Variants in RABGAP1L observed in about 807,000 individuals in gnomAD.
RABGAP1L encodes rab GTPase-activating protein 1-like.
Under a neutral mutation model 137.7 loss-of-function variants are expected in RABGAP1L, and 63 were observed. That is an observed-to-expected ratio of 0.46 (90% CI 0.37 to 0.56). The LOEUF is 0.56. Ranked by LOEUF, RABGAP1L falls within the 20% of genes least tolerant of loss-of-function variation. The pLI is 0.00. For synonymous variants in RABGAP1L, 431 were observed against 433.7 expected (o/e 0.99, Z 0.08); for missense variants, 1,095 against 1,244.0 (o/e 0.88, Z 1.80).
intron 13 of RABGAP1L, among the ~76,000 whole-genome samples, chr1:174,528,008 A>G (rs564736255): frequency 1.4e-5 from 2 of 143,300 alleles, no homozygotes; most frequent in South Asian, 2.2e-4. Context: ...GACTTTTTCC[A>G]TTCCCTTTAC....
chr1:174,721,201 A>G (rs73026457), intron 17 of RABGAP1L, among the ~76,000 whole-genome samples: 2,607 of 152,338 alleles, frequency 0.017, 80 homozygotes, highest in African/African-American at 0.06. Context: ...TTTCTGTCCC[A>G]TATGAGAGTT....
chr1:174,478,157 A>G (rs1658700032), intron 13 of RABGAP1L, among the ~76,000 whole-genome samples: 2 of 151,992 alleles, frequency 1.3e-5, no homozygotes, highest in African/African-American at 2.4e-5. Flanking sequence ...ATCTTTTTGA[A>G]CTTTAGTCCC....
At chr1:174,323,293 A>T (rs928395429) in intron 11 of RABGAP1L, among the ~76,000 whole-genome samples, 12 of 152,238 alleles carry the variant, frequency 7.9e-5, no homozygotes, top group Middle Eastern at 3.4e-3. Flanking sequence ...ATTCAAAAAA[A>T]TTTAAGTAAA....
At chr1:174,644,382 C>T (rs981271135) in intron 14 of RABGAP1L, among the ~76,000 whole-genome samples, 1 of 151,850 alleles carries the variant, frequency 6.6e-6, no homozygotes, top group African/African-American at 2.4e-5. Context: ...TACTAGGATA[C>T]AGAAGAGAAA....
chr1:174,590,520 T>C (rs1286268409), intron 13 of RABGAP1L, among the ~76,000 whole-genome samples: 1 of 97,084 alleles, frequency 1.0e-5, no homozygotes, highest in Non-Finnish European at 2.0e-5. Context: ...CCCACCACAG[T>C]CCCCAGAGTG....
intron 13 of RABGAP1L, among the ~76,000 whole-genome samples, chr1:174,551,034 A>G (rs1666505309): frequency 7.2e-6 from 1 of 138,400 alleles, no homozygotes; most frequent in Non-Finnish European, 1.5e-5. Context: ...ATACACACAC[A>G]CACATATATA....
Position 174,224,115 on chromosome 1 carries a change from T to C in RABGAP1L, c.331+2951T>C, listed in dbSNP as rs12562805. ...AAGAAGAAAACAATGGAGCATATTT[T>C]TGTGATTGTCAAGGTAGGAAAAGCC... On this transcript the variant is annotated intron_variant, in intron 3 of 25. Transcript: ENST00000681986. Among the ~76,000 whole-genome samples the C allele has an allele frequency of 6.4e-3, 981 of 152,308 alleles. 38 individuals are homozygous for C. In the East Asian group the frequency reaches 0.11, roughly 18 times the overall value.
intron 13 of RABGAP1L, among the ~76,000 whole-genome samples, chr1:174,531,229 T>A (rs529057505): frequency 3.2e-5 from 4 of 126,694 alleles, no homozygotes; most frequent in African/African-American, 1.3e-4. Flanking sequence ...GGAAGATGGG[T>A]TGATTCATAT....
In RABGAP1L at chr1:174,632,623, C is replaced by A. The variant is rs1319541995; in HGVS notation, c.1711-4752C>A. Among the ~76,000 whole-genome samples, 12 of 149,594 alleles carry A rather than the reference C, an allele frequency of 8.0e-5. No individual in the cohort carries two copies. The South Asian group carries it at 1.5e-3, about 19-fold the overall frequency. Reference sequence around the variant, plus strand: ...ATTCTTTTTTCTCTAAACTTCCCTTCTCGCTTCATTTCATTCATTTCATCT... The same window carrying A: ...ATTCTTTTTTCTCTAAACTTCCCTTATCGCTTCATTTCATTCATTTCATCT... On this transcript the variant is annotated intron_variant, in intron 13 of 25. Coordinates refer to ENST00000681986, the MANE Select transcript of RABGAP1L (RefSeq NM_001366446.1).
Position 174,589,778 on chromosome 1 carries a change from G to T in RABGAP1L, c.1711-47597G>T, listed in dbSNP as rs545023737. Among the ~76,000 whole-genome samples, 4 of 152,244 alleles carry T rather than the reference G, an allele frequency of 2.6e-5. No homozygotes were observed. In the East Asian group the frequency reaches 7.7e-4, roughly 29 times the overall value. On this transcript the variant is annotated intron_variant, in intron 13 of 25. Transcript: ENST00000681986. ...AAAATGAGTTCAATGTAGATGTATG[G>T]ATTTACTTCTGGATTCTTTATTCTG... is the stretch of plus-strand genomic sequence containing the variant.
In RABGAP1L at chr1:174,689,814, C is replaced by G. The variant is rs562779197; in HGVS notation, c.1899+6218C>G. On this transcript the variant is annotated intron_variant, in intron 15 of 25. Transcript: ENST00000681986. ...AGATCAGTGAACACCATCAGCCCCTCCTAAACAATGGAATGGTCTTCCTAT... is the reference window on the plus strand; with the variant it reads ...AGATCAGTGAACACCATCAGCCCCTGCTAAACAATGGAATGGTCTTCCTAT... Among the ~76,000 whole-genome samples the G allele has an allele frequency of 2.1e-4, 32 of 152,196 alleles. No homozygotes were observed. In the South Asian group the frequency reaches 6.4e-3, roughly 31 times the overall value.
At chr1:174,983,043 T>G in intron 24 of RABGAP1L, 138 bp downstream of exon 24, 1 of 887,854 alleles carries the variant, frequency 1.1e-6, no homozygotes, top group Non-Finnish European at 1.8e-6. Context: ...GATACCTCTC[T>G]TCTGACCAGG....
At chr1:174,524,159 A>G (rs968892151) in intron 13 of RABGAP1L, among the ~76,000 whole-genome samples, 1 of 151,714 alleles carries the variant, frequency 6.6e-6, no homozygotes, top group Non-Finnish European at 1.5e-5. Context: ...CAGTAGTTGG[A>G]TTGCTGAATC....
chr1:174,486,239 T>G (rs2901818), intron 13 of RABGAP1L, among the ~76,000 whole-genome samples: 7 of 134,654 alleles, frequency 5.2e-5, no homozygotes, highest in Non-Finnish European at 9.5e-5. Context: ...TTTTTTTTTT[T>G]GTCTGGCTAA....
intron 13 of RABGAP1L, among the ~76,000 whole-genome samples, chr1:174,407,019 G>T (rs1571654641): frequency 6.6e-6 from 1 of 152,070 alleles, no homozygotes; most frequent in Admixed American, 6.6e-5. Context: ...ATGTTTCATT[G>T]GGTAATATGG....
In RABGAP1L at chr1:174,328,411, C is replaced by G. The variant is rs1274495501; in HGVS notation, c.1465+23284C>G. On this transcript the variant is annotated intron_variant, in intron 11 of 25. Coordinates refer to ENST00000681986, the MANE Select transcript of RABGAP1L (RefSeq NM_001366446.1). The stretch of plus-strand genomic sequence containing the variant: ...AGGAAGTTTAGAAACTGTACAGATG[C>G]ATAGAAATTAAACAATATACTCCTG... Among the ~76,000 whole-genome samples, 23 of 152,018 alleles carry G rather than the reference C, an allele frequency of 1.5e-4. 1 individual carries two copies. Among genetic ancestry groups the G allele is most frequent in the Admixed American group, 1.5e-3 (23 of 15,258 alleles).
intron 7 of RABGAP1L, among the ~76,000 whole-genome samples, chr1:174,265,226 C>T (rs10912753): frequency 0.28 from 42,721 of 151,976 alleles, 6,569 homozygotes; most frequent in African/African-American, 0.39. Flanking sequence ...CTAGTATCTG[C>T]AAAAGCCCAA....
chr1:174,322,715 A>G (rs1264774928), intron 11 of RABGAP1L, among the ~76,000 whole-genome samples: 1 of 152,182 alleles, frequency 6.6e-6, no homozygotes, highest in African/African-American at 2.4e-5. Context: ...TGTATTCTAT[A>G]GAAGACTTCC....
chr1:174,519,034 T>C (rs1220108785), intron 13 of RABGAP1L, among the ~76,000 whole-genome samples: 2 of 151,916 alleles, frequency 1.3e-5, no homozygotes, highest in East Asian at 1.9e-4. Flanking sequence ...GGAAGTATTA[T>C]GGAAAGCTGA....
Sources: gnomAD v4.1 joint callset for allele counts (sites outside exome capture counted in the v4.1 genomes callset) on GRCh38, gnomAD v4.1.1 for gene constraint, MANE v1.5 for transcripts, NCBI Gene and HGNC (gene_info 2026-07-23, HGNC 2026-07-21) for gene names.